Variants in CDON observed in about 807,000 individuals in gnomAD.
The protein encoded by CDON is cell adhesion molecule-related/down-regulated by oncogenes.
A neutral mutation model predicts 120.9 loss-of-function variants in CDON; 73 were observed. The observed-to-expected ratio is 0.60, with a 90% confidence interval of 0.50 to 0.73. The LOEUF (loss-of-function observed/expected upper bound fraction) is 0.73, where lower values mean the gene tolerates loss of function less well. Ranked by LOEUF, CDON falls within the 30% of genes least tolerant of loss-of-function variation. The pLI, the probability that CDON is intolerant of heterozygous loss-of-function variation, is 0.00. For missense variants in CDON, 1,470 were observed against 1,587.3 expected (o/e 0.93, Z 1.26); for synonymous variants, 566 against 573.5 (o/e 0.99, Z 0.19).
Position 125,981,079 on chromosome 11 carries a change from C to T in CDON, c.3246G>A (p.Val1082=), listed in dbSNP as rs764661138. 2 of 1,614,044 alleles carry T rather than the reference C, an allele frequency of 1.2e-6. No individual in the cohort carries two copies. Among genetic ancestry groups the T allele is most frequent in the Non-Finnish European group, 8.5e-7 (1 of 1,179,998 alleles). Residue 1082 remains valine (V), a synonymous_variant, in exon 17 of 20, where the codon GTG becomes GTA. Coordinates refer to ENST00000531738, the MANE Select transcript of CDON (RefSeq NM_001378964.1). ...CTAGATGATGAGGATGTTCAAAATC[C>T]ACGTGTGTCCTGGTTAGAGAGTTGC... ...GHSNSLTRTH[V]DFEHPHHLVN...
chr11:126,006,169 A>C (rs953833633), intron 8 of CDON, 112 bp from the exon 9 acceptor site: 1 of 960,564 alleles, frequency 1.0e-6, no homozygotes, highest in Non-Finnish European at 1.6e-6. Context: ...TTTGAGCCCC[A>C]GAAGTTAAAA....
chr11:125,980,316 T>G (rs889630785), intron 17 of CDON, among the ~76,000 whole-genome samples: 1 of 152,204 alleles, frequency 6.6e-6, no homozygotes, highest in Non-Finnish European at 1.5e-5. Flanking sequence ...TATCACTCTT[T>G]GTGTGGCTAA....
intron 18 of CDON, among the ~76,000 whole-genome samples, chr11:125,970,175 T>G (rs1945930090): frequency 8.2e-6 from 1 of 121,440 alleles, no homozygotes; most frequent in South Asian, 3.1e-4. Flanking sequence ...AGTTTATGTT[T>G]TTTTTTTTTT....
chr11:125,995,559 A>G (rs1218170974), intron 12 of CDON, among the ~76,000 whole-genome samples: 2 of 152,144 alleles, frequency 1.3e-5, no homozygotes, highest in Non-Finnish European at 2.9e-5. Context: ...TAACAGTGTA[A>G]GAGTAAGAGG....
chr11:126,038,298 G>A (rs1015011056), intron 1 of CDON, among the ~76,000 whole-genome samples: 1 of 152,114 alleles, frequency 6.6e-6, no homozygotes, highest in African/African-American at 2.4e-5. Context: ...AAGACTGTCA[G>A]AAATATGTAT....
At position 125,994,477 on chromosome 11, in the gene CDON, T is replaced by C. The variant is rs1946722986; in HGVS notation, c.2545-88A>G. ...GGTTTCTTTATCTACTTGGTCACAT[T>C]TTTCTAGGTTCATTTTGCAAACATA... On this transcript the variant is annotated intron_variant, in intron 13 of 19. Coordinates refer to ENST00000531738, the MANE Select transcript of CDON (RefSeq NM_001378964.1). The C allele has an allele frequency of 5.1e-6, 4 of 778,004 alleles. No individual in the cohort carries two copies. The Admixed American group carries it at 8.1e-5, about 16-fold the overall frequency. 48.2% of individuals were successfully genotyped at this position (778,004 alleles called of 1,614,324 possible).
Position 125,994,305 on chromosome 11 carries a change from A to G in CDON, c.2629T>C (p.Tyr877His). The G allele has an allele frequency of 6.3e-7, 1 of 1,594,356 alleles. No individual in the cohort carries two copies. ...TTACCTTCTACAACATCCCTCTTGT[A>G]ATCACTGTCATTGTCACTATCTGTT... ...RPTDSDNDSD[Y>H]KRDVVEGSKQ... is the part of the protein sequence containing the mutation. The change falls in exon 14 of 20, where the codon TAC becomes CAC. Residue 877 changes from tyrosine (Y) to histidine (H), a missense_variant. Tyr to His is a moderately conservative substitution (Grantham distance 83). Coordinates refer to ENST00000531738, the MANE Select transcript of CDON (RefSeq NM_001378964.1).
At position 126,003,950 on chromosome 11, in the gene CDON, C is replaced by A; in HGVS notation, c.1978G>T (p.Ala660Ser). ...ATGGCAGGTTGGCCTTCACCTGCTG[C>A]GCTTCTTGCTACCATCAAGACTTCA... ...LYEVLMVARS[A>S]AGEGQPAMLT... The change falls in exon 10 of 20, where the codon GCA becomes TCA. Residue 660 changes from alanine to serine, a missense_variant. By Grantham distance (99) the Ala-to-Ser change is moderately conservative. Transcript: ENST00000531738. 1.2e-6 allele frequency: 2 copies of A among 1,614,110 alleles called. No homozygotes were observed. The highest frequency in any genetic ancestry group is 1.7e-6 in the Non-Finnish European group (2 of 1,180,002).
At chr11:125,979,061 G>T (rs1457225178) in intron 17 of CDON, among the ~76,000 whole-genome samples, 3 of 152,142 alleles carry the variant, frequency 2.0e-5, no homozygotes, top group Non-Finnish European at 4.4e-5. Context: ...AGACAGCAAG[G>T]TTCTTCAAAA....
intron 1 of CDON, among the ~76,000 whole-genome samples, chr11:126,036,094 C>T (rs1195206639): frequency 2.0e-5 from 3 of 152,138 alleles, no homozygotes; most frequent in African/African-American, 7.2e-5. Context: ...ACTAAAAAAA[C>T]ACAGCCGCAG....
At chr11:126,039,979 TTA>T (rs1286870890) in intron 1 of CDON, among the ~76,000 whole-genome samples, 11 of 152,238 alleles carry the variant, frequency 7.2e-5, no homozygotes, top group Admixed American at 4.6e-4. Flanking sequence ...CCTTCCGCAC[TTA>T]TGGCCTTCAC....
At chr11:125,977,528 G>T (rs962626542) in intron 18 of CDON, among the ~76,000 whole-genome samples, 2 of 152,034 alleles carry the variant, frequency 1.3e-5, no homozygotes, top group African/African-American at 4.8e-5. Context: ...TAATCTTTTT[G>T]GTTGTAGAGT....
chr11:126,017,392 G>C lies in CDON; in HGVS notation c.641-17C>G. 6.2e-7 allele frequency: 1 copy of C among 1,612,676 alleles called. No individual in the cohort carries two copies. The highest frequency in any genetic ancestry group is 8.5e-7 in the Non-Finnish European group (1 of 1,178,728). ...AAGAAGGACCTGGAAAAGGAAAGGA[G>C]ATGAGAGATTATTAGTAAGTCTTCG... On this transcript the variant is annotated splice_polypyrimidine_tract_variant and intron_variant, in intron 5 of 19. Coordinates refer to ENST00000531738, the MANE Select transcript of CDON (RefSeq NM_001378964.1).
At chr11:125,995,711 ATAAT>A (rs1159177908) in intron 12 of CDON, among the ~76,000 whole-genome samples, 1 of 152,264 alleles carries the variant, frequency 6.6e-6, no homozygotes, top group Non-Finnish European at 1.5e-5. Flanking sequence ...TAGCTCAAAA[ATAAT>A]TACTGAGCTT....
rs1020736466 is a variant in CDON at position 125,960,889 on chromosome 11, T to C, written c.*53A>G. The C allele has an allele frequency of 3.2e-6, 5 of 1,547,842 alleles. No homozygotes were observed. In the African/African-American group the frequency reaches 4.1e-5, roughly 13 times the overall value. On this transcript the variant is annotated 3_prime_UTR_variant, in exon 20 of 20. Transcript: ENST00000531738. ...TTCACACAGTTCGCTCCCAGGCCTGTTGTGTGCAGTTACCGGCTTGAAGTT... is the reference window on the plus strand; with the variant it reads ...TTCACACAGTTCGCTCCCAGGCCTGCTGTGTGCAGTTACCGGCTTGAAGTT...
intron 1 of CDON, among the ~76,000 whole-genome samples, chr11:126,059,476 C>T (rs1308000565): frequency 6.6e-6 from 1 of 151,402 alleles, no homozygotes; most frequent in Non-Finnish European, 1.5e-5. Flanking sequence ...CCTCCACCCC[C>T]TCAACCCCCC....
At chr11:126,026,519 G>A (rs1017895292) in intron 1 of CDON, among the ~76,000 whole-genome samples, 13 of 152,188 alleles carry the variant, frequency 8.5e-5, no homozygotes, top group Admixed American at 2.0e-4. Flanking sequence ...GGCACCTTAA[G>A]TACAGCTTTT....
intron 1 of CDON, among the ~76,000 whole-genome samples, chr11:126,062,254 G>A (rs192993910): frequency 7.6e-4 from 116 of 152,236 alleles, no homozygotes; most frequent in African/African-American, 2.4e-3. Flanking sequence ...GAAAACGCGC[G>A]GGCGCCCTAG....
intron 1 of CDON, among the ~76,000 whole-genome samples, chr11:126,057,445 A>G (rs763773757): frequency 5.3e-5 from 8 of 152,222 alleles, no homozygotes; most frequent in Non-Finnish European, 1.2e-4. Flanking sequence ...CTCCAACATA[A>G]GACTACATAC....
Sources: gnomAD v4.1 joint callset for allele counts (sites outside exome capture counted in the v4.1 genomes callset) on GRCh38, gnomAD v4.1.1 for gene constraint, MANE v1.5 for transcripts, NCBI Gene and HGNC (gene_info 2026-07-23, HGNC 2026-07-21) for gene names.